FOCAD: variants seen among roughly 807,000 people sequenced by gnomAD.
FOCAD encodes the protein KIAA1797.
Under a neutral mutation model 225.6 loss-of-function variants are expected in FOCAD, and 198 were observed. That is an observed-to-expected ratio of 0.88 (90% confidence interval 0.78 to 0.99). FOCAD has a LOEUF of 0.99. Ranked by LOEUF, FOCAD falls within the 50% of genes least tolerant of loss-of-function variation. The pLI, the probability that FOCAD is intolerant of heterozygous loss-of-function variation, is 0.00. For missense variants in FOCAD, 2,713 were observed against 2,123.6 expected (o/e 1.28, Z -5.46); for synonymous variants, 897 against 755.0 (o/e 1.19, Z -3.08).
chr9:20,733,422 T>G (rs1046255094), intron 4 of FOCAD, among the ~76,000 whole-genome samples: 1 of 152,142 alleles, frequency 6.6e-6, no homozygotes, highest in Admixed American at 6.5e-5. Context: ...TAGTTACATA[T>G]GTACACATGT....
chr9:20,662,452 T>G (rs563303654), intron 2 of FOCAD, among the ~76,000 whole-genome samples: 3 of 152,070 alleles, frequency 2.0e-5, no homozygotes, highest in Non-Finnish European at 2.9e-5. Flanking sequence ...GACTGGGACA[T>G]TTTAGTCTGG....
intron 19 of FOCAD, among the ~76,000 whole-genome samples, chr9:20,876,227 C>T (rs1342161914): frequency 1.3e-5 from 2 of 152,150 alleles, no homozygotes; most frequent in Non-Finnish European, 2.9e-5. Flanking sequence ...TGTTCTTCCC[C>T]ACTTCCTACC....
intron 10 of FOCAD, chr9:20,787,121 TA>T: frequency 4.3e-6 from 1 of 231,840 alleles, no homozygotes; most frequent in Non-Finnish European, 8.9e-6. Context: ...CTTAAGAGCC[TA>T]AACCTGGACA....
chr9:20,995,007 A>G (rs1318832681), intron 43 of FOCAD, among the ~76,000 whole-genome samples: 2 of 152,276 alleles, frequency 1.3e-5, no homozygotes, highest in East Asian at 3.9e-4. Context: ...AAGGAAGTAC[A>G]CAGAACTTCC....
chr9:20,748,488 T>A (rs959687812), intron 5 of FOCAD, among the ~76,000 whole-genome samples: 22 of 152,026 alleles, frequency 1.4e-4, no homozygotes, highest in African/African-American at 4.8e-4. Context: ...AATGTACACA[T>A]GCATATATAC....
intron 32 of FOCAD, among the ~76,000 whole-genome samples, 182 bp downstream of exon 32, chr9:20,949,110 A>G (rs1350802665): frequency 6.6e-6 from 1 of 152,196 alleles, no homozygotes; most frequent in Non-Finnish European, 1.5e-5. Context: ...TTATTTCTAT[A>G]GAGGTTTGTT....
At chr9:20,728,843 A>G (rs1319184438) in intron 4 of FOCAD, among the ~76,000 whole-genome samples, 4 of 152,224 alleles carry the variant, frequency 2.6e-5, no homozygotes, top group Admixed American at 1.3e-4. Context: ...AATTTTTTTG[A>G]TAAAGGAGTA....
chr9:20,739,245 A>G (rs1305208278), intron 4 of FOCAD, among the ~76,000 whole-genome samples: 1 of 152,260 alleles, frequency 6.6e-6, no homozygotes, highest in Non-Finnish European at 1.5e-5. Flanking sequence ...ACATAATGCA[A>G]GAACTTAGAA....
intron 1 of FOCAD, among the ~76,000 whole-genome samples, chr9:20,713,634 A>G (rs545672775): frequency 2.0e-5 from 3 of 152,210 alleles, no homozygotes; most frequent in South Asian, 2.1e-4. Context: ...TTTTTTGCCT[A>G]TTTTGTTCAC....
At chr9:20,880,512 T>C (rs1830578765) in intron 19 of FOCAD, among the ~76,000 whole-genome samples, 1 of 152,150 alleles carries the variant, frequency 6.6e-6, no homozygotes, top group African/African-American at 2.4e-5. Context: ...TGGGAGCCTG[T>C]TAATGCCTTT....
At chr9:20,801,297 C>G (rs780392209) in intron 11 of FOCAD, among the ~76,000 whole-genome samples, 1 of 152,106 alleles carries the variant, frequency 6.6e-6, no homozygotes, top group Non-Finnish European at 1.5e-5. Flanking sequence ...AATTTACAAG[C>G]AATGCCGTTG....
At chr9:20,859,741 C>T (rs2131677618) in intron 15 of FOCAD, among the ~76,000 whole-genome samples, 1 of 147,528 alleles carries the variant, frequency 6.8e-6, no homozygotes, top group East Asian at 2.0e-4. Context: ...AAGAAGTGAG[C>T]ACTAACACAT....
chr9:20,897,108 T>G (rs1004194851), intron 21 of FOCAD: 1 of 151,892 alleles, frequency 6.6e-6, no homozygotes, highest in Non-Finnish European at 1.5e-5. Context: ...AGGATTGTTA[T>G]GTCTTCTTCG....
intron 24 of FOCAD, among the ~76,000 whole-genome samples, chr9:20,923,119 G>C (rs1279534911): frequency 1.3e-5 from 2 of 152,114 alleles, no homozygotes; most frequent in Non-Finnish European, 2.9e-5. Flanking sequence ...TGATAGTTTT[G>C]CTATATTAAG....
chr9:20,855,962 A>C (rs891847571), intron 15 of FOCAD, among the ~76,000 whole-genome samples: 1 of 151,696 alleles, frequency 6.6e-6, no homozygotes, highest in African/African-American at 2.4e-5. Context: ...TTGTGTGTCT[A>C]TACCACATTT....
Position 20,923,713 on chromosome 9 carries a change from T to C in FOCAD, c.2906T>C (p.Val969Ala). ...CTGTTAGCTCTAAGCAGCCTTGCTG[T>C]CGTCGTATCTAGACATGAAGCCAGC... is the stretch of plus-strand genomic sequence containing the variant. ...NALLALSSLA[V>A]VVSRHEASLS... Residue 969 changes from valine (V) to alanine (A), a missense_variant, in exon 25 of 44, where the codon GTC (valine) becomes GCC (alanine). Val to Ala is a moderately conservative substitution (Grantham distance 64, BLOSUM62 0). Coordinates refer to ENST00000338382, the MANE Select transcript of FOCAD (RefSeq NM_001375567.1). 9 of 1,614,120 alleles carry C rather than the reference T, an allele frequency of 5.6e-6. No homozygotes were observed. The highest frequency in any genetic ancestry group is 7.6e-6 in the Non-Finnish European group (9 of 1,179,978).
At chr9:20,798,633 T>G (rs185097801) in intron 11 of FOCAD, among the ~76,000 whole-genome samples, 26 of 152,184 alleles carry the variant, frequency 1.7e-4, no homozygotes, top group African/African-American at 5.3e-4. Context: ...GTTTATTTGC[T>G]TAGAGGTGTT....
intron 2 of FOCAD, among the ~76,000 whole-genome samples, chr9:20,661,460 G>T (rs1300936448): frequency 6.6e-6 from 1 of 152,080 alleles, no homozygotes; most frequent in Non-Finnish European, 1.5e-5. Flanking sequence ...AAAGGGAGGT[G>T]TTAAAAATGA....
chr9:20,760,331 G>A (rs905306133), intron 6 of FOCAD, among the ~76,000 whole-genome samples: 2 of 152,180 alleles, frequency 1.3e-5, no homozygotes, highest in Non-Finnish European at 2.9e-5. Context: ...AAAAGGATTG[G>A]TTTCTGAAAC....
Sources: allele counts gnomAD v4.1 joint callset (sites outside exome capture counted in the v4.1 genomes callset), GRCh38; gene constraint gnomAD v4.1.1; transcripts MANE v1.5; gene names NCBI Gene and HGNC (gene_info 2026-07-23, HGNC 2026-07-21).